SGMS2: variants seen among roughly 807,000 people sequenced by gnomAD.
SGMS2 encodes the protein phosphatidylcholine:ceramide cholinephosphotransferase 2.
In SGMS2, 21 loss-of-function variants were observed where a neutral mutation model predicts 43.8. The ratio of observed to expected loss-of-function variants is 0.48; its 90% CI spans 0.34 to 0.69. The LOEUF (loss-of-function observed/expected upper bound fraction) is 0.69, where lower values mean the gene tolerates loss of function less well. Among genes scored for constraint, SGMS2 ranks in the 30% least tolerant of loss-of-function variants. The probability of loss-of-function intolerance (pLI) is 0.01; values close to 1 mark genes in which losing one functional copy is unlikely to be tolerated. For synonymous variants in SGMS2, 167 were observed against 160.6 expected (o/e 1.04, Z -0.30); for missense variants, 384 against 443.2 (o/e 0.87, Z 1.20).
chr4:107,839,882 G>A (rs1175209678), intron 1 of SGMS2, among the ~76,000 whole-genome samples: 2 of 152,058 alleles, frequency 1.3e-5, no homozygotes, highest in African/African-American at 4.8e-5. Context: ...AACTCTTGCA[G>A]CTTCCCATGG....
At chr4:107,834,703 T>C (rs994149880) in intron 1 of SGMS2, among the ~76,000 whole-genome samples, 1 of 152,128 alleles carries the variant, frequency 6.6e-6, no homozygotes, top group East Asian at 1.9e-4. Flanking sequence ...GCTCTTAGAG[T>C]AGACAATATC....
At position 107,895,865 on chromosome 4, in the gene SGMS2, C is replaced by A; in HGVS notation, c.312C>A (p.Val104=). The A allele has an allele frequency of 6.2e-7, 1 of 1,613,934 alleles. No individual in the cohort carries two copies. The highest frequency in any genetic ancestry group is 8.5e-7 in the Non-Finnish European group (1 of 1,179,940). ...TGATCACAGTTGTACATGAGAGGGT[C>A]CCTCCCAAGGAGCTTAGCCCTCCAC... ...TVMITVVHER[V]PPKELSPPLP... Residue 104 remains valine (V), a synonymous_variant, in exon 3 of 7, where the codon GTC becomes GTA. Transcript: ENST00000690982.
chr4:107,879,752 G>A (rs769983974), intron 2 of SGMS2, among the ~76,000 whole-genome samples: 5 of 152,092 alleles, frequency 3.3e-5, no homozygotes, highest in Non-Finnish European at 5.9e-5. Flanking sequence ...GTGAGCCACC[G>A]CACCTGGTGG....
chr4:107,832,798 C>T (rs866559965), intron 1 of SGMS2, among the ~76,000 whole-genome samples: 11 of 152,116 alleles, frequency 7.2e-5, no homozygotes, highest in Non-Finnish European at 1.3e-4. Flanking sequence ...GAGGCCAAGG[C>T]GGGTGGATAG....
intron 1 of SGMS2, among the ~76,000 whole-genome samples, chr4:107,849,475 AAGTC>A (rs1310785670): frequency 6.6e-6 from 1 of 152,144 alleles, no homozygotes; most frequent in Non-Finnish European, 1.5e-5. Context: ...CGGCAATAGA[AAGTC>A]AGAACAAATT....
chr4:107,849,459 A>T (rs112150017), intron 1 of SGMS2, among the ~76,000 whole-genome samples: 5,140 of 152,226 alleles, frequency 0.034, 284 homozygotes, highest in African/African-American at 0.12. Context: ...GTTGTATTGG[A>T]CAGTCCGGCA....
At chr4:107,907,652 C>T (rs1293500805) in intron 5 of SGMS2, among the ~76,000 whole-genome samples, 1 of 152,112 alleles carries the variant, frequency 6.6e-6, no homozygotes, top group Non-Finnish European at 1.5e-5. Context: ...GAAATGGATC[C>T]TTTTGCTATT....
intron 1 of SGMS2, among the ~76,000 whole-genome samples, chr4:107,852,313 G>A (rs1386442722): frequency 2.0e-5 from 3 of 151,420 alleles, no homozygotes; most frequent in East Asian, 1.9e-4. Flanking sequence ...TCCTGACCCC[G>A]TGATCCGCCT....
intron 2 of SGMS2, among the ~76,000 whole-genome samples, chr4:107,892,172 C>T (rs1241807254): frequency 2.1e-5 from 3 of 144,452 alleles, no homozygotes; most frequent in Non-Finnish European, 4.5e-5. Flanking sequence ...GAGTTACCTA[C>T]CTTCCATCAT....
intron 2 of SGMS2, among the ~76,000 whole-genome samples, chr4:107,874,979 T>C (rs1168311547): frequency 1.3e-5 from 2 of 152,212 alleles, no homozygotes; most frequent in Non-Finnish European, 2.9e-5. Flanking sequence ...GAAGCACTGG[T>C]CAAATAAGTG....
Position 107,895,400 on chromosome 4 carries a change from A to G in SGMS2, c.-154A>G. 1 of 747,092 alleles carries G rather than the reference A, an allele frequency of 1.3e-6. No individual in the cohort carries two copies. Among genetic ancestry groups the G allele is most frequent in the East Asian group, 2.7e-5 (1 of 37,622 alleles). 46.3% of individuals were successfully genotyped at this position (747,092 alleles called of 1,614,324 possible). Reference sequence around the variant, plus strand: ...CATATAGCTGCATGGAAGAAACAGTAATCGGATGGCTACCTTCTACATTTT... The same window carrying G: ...CATATAGCTGCATGGAAGAAACAGTGATCGGATGGCTACCTTCTACATTTT... On this transcript the variant is annotated 5_prime_UTR_variant, in exon 3 of 7. Transcript: ENST00000690982.
intron 2 of SGMS2, among the ~76,000 whole-genome samples, chr4:107,872,793 A>G (rs1260015443): frequency 8.5e-5 from 13 of 152,152 alleles, no homozygotes; most frequent in Admixed American, 7.9e-4. Flanking sequence ...ATGTAGTATC[A>G]CCCTTCCAGT....
At chr4:107,833,617 T>C (rs1726013555) in intron 1 of SGMS2, among the ~76,000 whole-genome samples, 1 of 152,198 alleles carries the variant, frequency 6.6e-6, no homozygotes, top group African/African-American at 2.4e-5. Flanking sequence ...AAGATGTATA[T>C]GAAAAGTAAT....
intron 2 of SGMS2, among the ~76,000 whole-genome samples, chr4:107,879,662 A>G (rs1263093462): frequency 6.6e-6 from 1 of 151,978 alleles, no homozygotes; most frequent in Non-Finnish European, 1.5e-5. Flanking sequence ...GGGTTTTGTC[A>G]TGTTGCCCAG....
chr4:107,849,035 C>T (rs948029075), intron 1 of SGMS2, among the ~76,000 whole-genome samples: 3 of 151,634 alleles, frequency 2.0e-5, no homozygotes, highest in Non-Finnish European at 4.4e-5. Flanking sequence ...TTTTTTTTTA[C>T]ATATGGAAGT....
intron 1 of SGMS2, among the ~76,000 whole-genome samples, chr4:107,839,726 C>T (rs1291961181): frequency 5.9e-5 from 9 of 152,078 alleles, no homozygotes; most frequent in African/African-American, 1.9e-4. Flanking sequence ...CTTTGCTGTT[C>T]ATTAAGTCCC....
At chr4:107,827,191 A>G (rs1156985581) in intron 1 of SGMS2, among the ~76,000 whole-genome samples, 4 of 152,258 alleles carry the variant, frequency 2.6e-5, no homozygotes, top group Admixed American at 2.6e-4. Flanking sequence ...AGACTAAACA[A>G]TGACTTACCC....
At chr4:107,863,512 G>A (rs1051501631) in intron 2 of SGMS2, 2 of 152,102 alleles carry the variant, frequency 1.3e-5, no homozygotes, top group Non-Finnish European at 2.9e-5. Context: ...TGATTTCAAG[G>A]ACTGCAATCA....
chr4:107,826,644 G>T (rs967599794), intron 1 of SGMS2, among the ~76,000 whole-genome samples: 1 of 150,132 alleles, frequency 6.7e-6, no homozygotes, highest in Non-Finnish European at 1.5e-5. Context: ...ACAATAGTCT[G>T]GTTGAAGTGT....
Sources: gnomAD v4.1 joint callset for allele counts (sites outside exome capture counted in the v4.1 genomes callset) on GRCh38, gnomAD v4.1.1 for gene constraint, MANE v1.5 for transcripts, NCBI Gene and HGNC (gene_info 2026-07-23, HGNC 2026-07-21) for gene names.